Variants in MARCHF1 observed in about 807,000 individuals in gnomAD.
The protein encoded by MARCHF1 is membrane associated ring-CH-type finger 1, also known as E3 ubiquitin-protein ligase MARCHF1.
A neutral mutation model predicts 54.2 loss-of-function variants in MARCHF1; 40 were observed. The ratio of observed to expected loss-of-function variants is 0.74; its 90% CI spans 0.57 to 0.96. The LOEUF (loss-of-function observed/expected upper bound fraction) is 0.96, where lower values mean the gene tolerates loss of function less well. MARCHF1 is among the 40% of genes least tolerant of loss of function. The pLI is 0.00. For missense variants in MARCHF1, 586 were observed against 656.5 expected (o/e 0.89, Z 1.17); for synonymous variants, 236 against 236.3 (o/e 1.00, Z 0.01).
chr4:164,185,535 T>C (rs1730946361), intron 1 of MARCHF1, among the ~76,000 whole-genome samples: 1 of 152,076 alleles, frequency 6.6e-6, no homozygotes, highest in Admixed American at 6.6e-5. Context: ...CTGAGAGACA[T>C]AAGGATTGTT....
chr4:163,663,950 A>T (rs1399194476), intron 5 of MARCHF1, among the ~76,000 whole-genome samples: 1 of 152,072 alleles, frequency 6.6e-6, no homozygotes, highest in Non-Finnish European at 1.5e-5. Flanking sequence ...AGCTAAAAAA[A>T]AAAAACTGCC....
intron 8 of MARCHF1, among the ~76,000 whole-genome samples, chr4:163,579,910 T>C (rs1740164990): frequency 6.6e-6 from 1 of 152,118 alleles, no homozygotes; most frequent in Non-Finnish European, 1.5e-5. Context: ...TCCCAAGTAC[T>C]TTAAGTAAAA....
chr4:164,298,397 G>A (rs112807332), intron 1 of MARCHF1, among the ~76,000 whole-genome samples: 4,334 of 151,978 alleles, frequency 0.029, 124 homozygotes, highest in East Asian at 0.15. Flanking sequence ...CCTATGGTCT[G>A]AAATCTTTCC....
At chr4:164,210,303 G>A (rs1372343399) in intron 1 of MARCHF1, among the ~76,000 whole-genome samples, 1 of 152,168 alleles carries the variant, frequency 6.6e-6, no homozygotes, top group Non-Finnish European at 1.5e-5. Context: ...AGGTAAAATT[G>A]ACACAGCTTC....
intron 4 of MARCHF1, among the ~76,000 whole-genome samples, chr4:163,844,531 T>G (rs1335947233): frequency 1.3e-5 from 2 of 152,174 alleles, no homozygotes; most frequent in Admixed American, 6.6e-5. Context: ...AGGATAAGGA[T>G]TGTGTCTTTA....
chr4:163,871,877 A>C (rs572768178), intron 3 of MARCHF1, among the ~76,000 whole-genome samples: 2 of 152,346 alleles, frequency 1.3e-5, no homozygotes, highest in African/African-American at 4.8e-5. Flanking sequence ...AATTTGTTTT[A>C]GATTTTTTAT....
chr4:164,140,603 G>A (rs956123328), intron 1 of MARCHF1, among the ~76,000 whole-genome samples: 5 of 152,144 alleles, frequency 3.3e-5, no homozygotes, highest in African/African-American at 1.2e-4. Flanking sequence ...GTCAGTCAGA[G>A]AGATGGATTT....
chr4:163,726,720 G>A (rs898713442), intron 4 of MARCHF1, among the ~76,000 whole-genome samples: 3 of 152,192 alleles, frequency 2.0e-5, no homozygotes, highest in Admixed American at 6.5e-5. Flanking sequence ...TGCATTCCCA[G>A]TAGCAATAAA....
chr4:163,928,369 T>G (rs541325225), intron 3 of MARCHF1, among the ~76,000 whole-genome samples: 1 of 152,026 alleles, frequency 6.6e-6, no homozygotes, highest in Admixed American at 6.6e-5. Flanking sequence ...GAACAACAAG[T>G]GCAAGAGGAC....
intron 4 of MARCHF1, among the ~76,000 whole-genome samples, chr4:163,845,917 G>A (rs560013248): frequency 5.3e-5 from 8 of 152,120 alleles, no homozygotes; most frequent in Non-Finnish European, 7.4e-5. Context: ...TCTCCCCTTC[G>A]CATTCTTCAA....
At chr4:163,852,420 C>T (rs915300448) in intron 4 of MARCHF1, among the ~76,000 whole-genome samples, 1 of 152,042 alleles carries the variant, frequency 6.6e-6, no homozygotes, top group Non-Finnish European at 1.5e-5. Context: ...CTTAAAAATG[C>T]TTGGTTATAG....
intron 1 of MARCHF1, among the ~76,000 whole-genome samples, chr4:164,275,298 G>A (rs1733851324): frequency 6.6e-6 from 1 of 152,126 alleles, no homozygotes; most frequent in South Asian, 2.1e-4. Context: ...CTCGTCTGCG[G>A]CCATTGTGCT....
At chr4:163,859,140 G>A (rs1360035607) in intron 3 of MARCHF1, among the ~76,000 whole-genome samples, 1 of 152,046 alleles carries the variant, frequency 6.6e-6, no homozygotes, top group Non-Finnish European at 1.5e-5. Context: ...TAAATTCTTG[G>A]TGCTTTTAGC....
rs528028742 is a variant in MARCHF1 at position 163,736,331 on chromosome 4, G to T, written c.112-35468C>A. On this transcript the variant is annotated intron_variant, in intron 4 of 9. Coordinates refer to ENST00000514618, the MANE Select transcript of MARCHF1 (RefSeq NM_001394959.1). ...AAGCTACTAAGTGACTAAGGGGCAG[G>T]TGGCATTGACAGCATGCATACACTA... is the stretch of plus-strand genomic sequence containing the variant. Among the ~76,000 whole-genome samples the T allele has an allele frequency of 2.0e-3, 312 of 152,242 alleles. 1 individual carries two copies. Among genetic ancestry groups the T allele is most frequent in the African/African-American group, 7.2e-3 (299 of 41,546 alleles).
chr4:163,718,471 T>C (rs1745335143), intron 4 of MARCHF1, among the ~76,000 whole-genome samples: 1 of 151,836 alleles, frequency 6.6e-6, no homozygotes, highest in African/African-American at 2.4e-5. Context: ...AAAACATTTA[T>C]TTTAATTTAA....
At chr4:163,656,380 C>A (rs1743142220) in intron 5 of MARCHF1, among the ~76,000 whole-genome samples, 1 of 151,976 alleles carries the variant, frequency 6.6e-6, no homozygotes, top group African/African-American at 2.4e-5. Flanking sequence ...CCTGAATAGA[C>A]TAATAACAAG....
At position 163,731,465 on chromosome 4, in the gene MARCHF1, G is replaced by T. The variant is rs971211797; in HGVS notation, c.112-30602C>A. 9.2e-5 allele frequency among the ~76,000 whole-genome samples: 14 copies of T among 152,140 alleles called. No individual in the cohort carries two copies. The South Asian group carries it at 1.7e-3, about 18-fold the overall frequency. ...GTGAGGCCTACAATTATCCCATCTC[G>T]CTGCCTGGAGAAAGTTTCCAGGGCA... On this transcript the variant is annotated intron_variant, in intron 4 of 9. Coordinates refer to ENST00000514618, the MANE Select transcript of MARCHF1 (RefSeq NM_001394959.1).
At chr4:163,850,286 T>A (rs1302491471) in intron 4 of MARCHF1, among the ~76,000 whole-genome samples, 2 of 152,228 alleles carry the variant, frequency 1.3e-5, no homozygotes, top group African/African-American at 4.8e-5. Context: ...GAGGTATCTG[T>A]ATCTGGGGAG....
intron 3 of MARCHF1, among the ~76,000 whole-genome samples, chr4:163,973,556 G>A (rs573876307): frequency 1.6e-4 from 25 of 152,306 alleles, no homozygotes; most frequent in African/African-American, 5.5e-4. Context: ...AGCCATGCCC[G>A]GAAACGGCGT....
Sources: gnomAD v4.1 joint callset for allele counts (sites outside exome capture counted in the v4.1 genomes callset) on GRCh38, gnomAD v4.1.1 for gene constraint, MANE v1.5 for transcripts, NCBI Gene and HGNC (gene_info 2026-07-23, HGNC 2026-07-21) for gene names.